The following COCH variants were observed in gnomAD, a reference collection of about 807,000 sequenced individuals.
COCH encodes the protein coagulation factor C homolog, cochlin (Limulus polyphemus).
COCH carries 40 observed loss-of-function variants against 54.8 expected under a neutral mutation model. That is an observed-to-expected ratio of 0.73 (90% CI 0.57 to 0.95). The LOEUF is 0.95. Among genes scored for constraint, COCH ranks in the 40% least tolerant of loss-of-function variants. The pLI is 0.00. For synonymous variants in COCH, 256 were observed against 237.9 expected (o/e 1.08, Z -0.70); for missense variants, 605 against 675.0 (o/e 0.90, Z 1.15).
In COCH at chr14:30,878,792, T is replaced by C; in HGVS notation, c.240-19T>C. 6.2e-7 allele frequency: 1 copy of C among 1,614,164 alleles called. No homozygotes were observed. Among genetic ancestry groups the C allele is most frequent in the South Asian group, 1.1e-5 (1 of 91,072 alleles). Reference sequence around the variant, plus strand: ...GAAAAAGTGTGGATAGCATCTCAGCTGCTATTCTTGTGTTACAGGGGAGTA... The same window carrying C: ...GAAAAAGTGTGGATAGCATCTCAGCCGCTATTCTTGTGTTACAGGGGAGTA... On this transcript the variant is annotated intron_variant, in intron 4 of 11. Transcript: ENST00000396618.
intron 8 of COCH, 73 bp downstream of exon 8, chr14:30,880,807 C>T (rs1484629786): frequency 4.6e-6 from 5 of 1,092,070 alleles, no homozygotes; most frequent in East Asian, 2.5e-5. Context: ...ATTATATATA[C>T]TTATGGGGTA....
chr14:30,890,872 AC>A (rs1895959353), downstream of COCH, among the ~76,000 whole-genome samples: 1 of 151,934 alleles, frequency 6.6e-6, no homozygotes, highest in African/African-American at 2.4e-5. Context: ...AACCCCCTCT[AC>A]AAAAAAGAAA....
chr14:30,895,589 G>T (rs761304632), downstream of COCH: 10 of 1,610,204 alleles, frequency 6.2e-6, no homozygotes, highest in East Asian at 2.2e-4. Flanking sequence ...GCCTGTAAAA[G>T]AACAAATAAA....
intron 9 of COCH, chr14:30,885,159 G>T: frequency 7.5e-7 from 1 of 1,337,226 alleles, no homozygotes; most frequent in Non-Finnish European, 1.0e-6. Context: ...TCTAGGAGGT[G>T]GAGGGGGAAC....
rs1230376017 is a variant in COCH, at chr14:30,885,850, A to G, written c.1015A>G (p.Thr339Ala). The G allele has an allele frequency of 6.2e-7, 1 of 1,614,168 alleles. No individual in the cohort carries two copies. The highest frequency in any genetic ancestry group is 1.3e-5 in the African/African-American group (1 of 75,050). Residue 339 changes from threonine to alanine, a missense_variant, in exon 11 of 12, where the codon ACC (threonine) becomes GCC (alanine). Coordinates refer to ENST00000396618, the MANE Select transcript of COCH (RefSeq NM_004086.3). ...TTACCACATGCCCAACTGGTTTGGC[A>G]CCACAAAATACGTAAAGCCTCTGGT... ...FSYHMPNWFGTTKYVKPLVQK... is the reference protein window; with the variant it reads ...FSYHMPNWFGATKYVKPLVQK...
intron 6 of COCH, 28 bp from the exon 7 acceptor site, chr14:30,880,424 T>A: frequency 6.2e-7 from 1 of 1,612,812 alleles, no homozygotes; most frequent in Non-Finnish European, 8.5e-7. Context: ...CTTCCTTTTG[T>A]TAATGCCAAG....
At chr14:30,878,019 A>G (rs1269950623) in intron 4 of COCH, among the ~76,000 whole-genome samples, 1 of 152,158 alleles carries the variant, frequency 6.6e-6, no homozygotes, top group Non-Finnish European at 1.5e-5. Context: ...TGTGCCACCT[A>G]TTGTTTTAAC....
chr14:30,885,385 CA>C lies in COCH; in HGVS notation c.734-6del. On this transcript the variant is annotated splice_region_variant and splice_polypyrimidine_tract_variant and intron_variant, in intron 9 of 11. Coordinates refer to ENST00000396618, the MANE Select transcript of COCH (RefSeq NM_004086.3). ...AAAGGCTATTTGTTTGCTTCTTTTT[CA>C]AATTTAGGAAAAGCCTTGAAGCATA... 6.2e-7 allele frequency: 1 copy of C among 1,609,222 alleles called. No individual in the cohort carries two copies. The highest frequency in any genetic ancestry group is 8.5e-7 in the Non-Finnish European group (1 of 1,175,534).
rs1026546534 is a variant in COCH at position 30,889,605 on chromosome 14, T to C, written c.1478-11T>C. On this transcript the variant is annotated splice_polypyrimidine_tract_variant and intron_variant, in intron 11 of 11. Coordinates refer to ENST00000396618, the MANE Select transcript of COCH (RefSeq NM_004086.3). ...TGATTTTCAATTCACTTTAAAATGT[T>C]TTCATTGTAGGAATCACTATCTTCT... 1.9e-6 allele frequency: 3 copies of C among 1,612,830 alleles called. No individual in the cohort carries two copies. In the Admixed American group the frequency reaches 5.0e-5, roughly 27 times the overall value.
intron 6 of COCH, 85 bp from the exon 7 acceptor site, chr14:30,880,367 T>C: frequency 6.3e-7 from 1 of 1,578,690 alleles, no homozygotes; most frequent in East Asian, 2.3e-5. Flanking sequence ...AATGGCACTC[T>C]GTTGTTATGA....
chr14:30,881,227 A>AAG (rs1566409809), intron 8 of COCH, among the ~76,000 whole-genome samples: 1 of 151,850 alleles, frequency 6.6e-6, no homozygotes, highest in East Asian at 1.9e-4. Flanking sequence ...AAAAAAAAAA[A>AAG]AAAGAAAAAA....
At chr14:30,890,771 C>A (rs1895955508), downstream of COCH, among the ~76,000 whole-genome samples, 1 of 152,098 alleles carries the variant, frequency 6.6e-6, no homozygotes. Context: ...AGCACAGTGG[C>A]TCATGCCTGT....
chr14:30,884,843 TGA>T, intron 9 of COCH, 187 bp downstream of exon 9: 1 of 1,455,766 alleles, frequency 6.9e-7, no homozygotes, highest in Non-Finnish European at 9.2e-7. Context: ...ACCAAAGTGT[TGA>T]TATTTCTTAT....
downstream of COCH, chr14:30,894,899 T>TC: frequency 9.5e-7 from 1 of 1,053,308 alleles, no homozygotes; most frequent in Non-Finnish European, 1.2e-6. Context: ...TTTTCTTTTT[T>TC]TTTTTTTTTA....
chr14:30,886,276 G>T lies in COCH; in HGVS notation c.1441G>T (p.Asp481Tyr). Reference sequence around the variant, plus strand: ...TGTCACAGATGGGCAGTCCTATGATGATGTCCAAGGCCCTGCAGCTGCTGC... The same window carrying T: ...TGTCACAGATGGGCAGTCCTATGATTATGTCCAAGGCCCTGCAGCTGCTGC... Reference protein sequence around the residue: ...VIVTDGQSYDDVQGPAAAAHD... With the variant: ...VIVTDGQSYDYVQGPAAAAHD... The change falls in exon 11 of 12, where the codon GAT (aspartate) becomes TAT (tyrosine). Residue 481 changes from aspartate (D) to tyrosine (Y), a missense_variant. Asp to Tyr is a radical substitution (Grantham distance 160). Coordinates refer to ENST00000396618, the MANE Select transcript of COCH (RefSeq NM_004086.3). 6.2e-7 allele frequency: 1 copy of T among 1,614,140 alleles called. No individual in the cohort carries two copies. The highest frequency in any genetic ancestry group is 1.1e-5 in the South Asian group (1 of 91,074).
intron 1 of COCH, 156 bp downstream of exon 1, chr14:30,874,747 C>T (rs1016133322): frequency 3.0e-6 from 2 of 665,046 alleles, no homozygotes; most frequent in East Asian, 2.7e-5. Context: ...CTCGATTTGC[C>T]GCCGAGGCGC....
At chr14:30,876,904 T>C (rs1346359006) in intron 3 of COCH, among the ~76,000 whole-genome samples, 1 of 151,910 alleles carries the variant, frequency 6.6e-6, no homozygotes, top group Non-Finnish European at 1.5e-5. Flanking sequence ...GCTCAAGCAA[T>C]CCTCCCACCT....
chr14:30,893,573 G>T (rs904041440), downstream of COCH, among the ~76,000 whole-genome samples: 5 of 152,150 alleles, frequency 3.3e-5, no homozygotes, highest in Non-Finnish European at 7.3e-5. Flanking sequence ...TTGAAATTCA[G>T]ATTTAATAAT....
At chr14:30,891,011 C>A (rs1389388174), downstream of COCH, among the ~76,000 whole-genome samples, 1 of 150,854 alleles carries the variant, frequency 6.6e-6, no homozygotes, top group Non-Finnish European at 1.5e-5. Flanking sequence ...TGCACTCCAG[C>A]TTGGGTGACA....
Sources: gnomAD v4.1 joint callset for allele counts (sites outside exome capture counted in the v4.1 genomes callset) on GRCh38, gnomAD v4.1.1 for gene constraint, MANE v1.5 for transcripts, NCBI Gene and HGNC (gene_info 2026-07-23, HGNC 2026-07-21) for gene names.